ASPRV1: variants seen among roughly 807,000 people sequenced by gnomAD.
The protein encoded by ASPRV1 is aspartic peptidase retroviral like 1, also known as retroviral-like aspartic protease 1.
ASPRV1 carries 7 observed loss-of-function variants against 11.0 expected under a neutral mutation model. That is an observed-to-expected ratio of 0.64 (90% CI 0.36 to 1.20). The LOEUF (loss-of-function observed/expected upper bound fraction) is 1.20, where lower values mean the gene tolerates loss of function less well. Ranked by LOEUF, ASPRV1 falls within the 50% of genes most tolerant of loss-of-function variation. The pLI, the probability that ASPRV1 is intolerant of heterozygous loss-of-function variation, is 0.02. For missense variants in ASPRV1, 299 were observed against 320.0 expected (o/e 0.93, Z 0.50); for synonymous variants, 136 against 138.4 (o/e 0.98, Z 0.12).
At chr2:69,965,443 TAAAAA>T (rs924253081), upstream of ASPRV1, among the ~76,000 whole-genome samples, 1 of 146,582 alleles carries the variant, frequency 6.8e-6, no homozygotes, top group African/African-American at 2.5e-5. Context: ...GCTGGTGGGC[TAAAAA>T]AAAAACAAAA....
chr2:69,942,912 TAAC>T, the ASPRV1 span: 2 of 152,260 alleles, frequency 1.3e-5, no homozygotes, highest in African/African-American at 4.8e-5. Context: ...GTTCAACTGT[TAAC>T]AAATAATAAA....
chr2:70,078,571 A>G, the ASPRV1 span, among the ~76,000 whole-genome samples: 1 of 152,228 alleles, frequency 6.6e-6, no homozygotes, highest in Non-Finnish European at 1.5e-5. Flanking sequence ...ATCTGGAAAA[A>G]TGATGTTCCT....
At chr2:70,065,390 C>CAAAAAA in the ASPRV1 span, among the ~76,000 whole-genome samples, 33 of 52,658 alleles carry the variant, frequency 6.3e-4, no homozygotes, top group African/African-American at 9.1e-4. Context: ...GACACCATCT[C>CAAAAAA]AAAAAAAAAA....
chr2:70,017,725 G>T, the ASPRV1 span, among the ~76,000 whole-genome samples: 1 of 151,946 alleles, frequency 6.6e-6, no homozygotes, highest in African/African-American at 2.4e-5. Context: ...TTGTCTGTTA[G>T]TATTTTTTTA....
At chr2:70,042,388 C>T in the ASPRV1 span, among the ~76,000 whole-genome samples, 6 of 152,098 alleles carry the variant, frequency 3.9e-5, no homozygotes, top group African/African-American at 1.4e-4. Context: ...AGCCTAGATG[C>T]AAGAAAAGGC....
At chr2:70,064,696 G>C in the ASPRV1 span, among the ~76,000 whole-genome samples, 2 of 152,136 alleles carry the variant, frequency 1.3e-5, no homozygotes, top group Non-Finnish European at 2.9e-5. Context: ...GAGGCCAAAA[G>C]GGCCTAATAG....
chr2:70,002,632 G>A, the ASPRV1 span, among the ~76,000 whole-genome samples: 2 of 152,198 alleles, frequency 1.3e-5, no homozygotes, highest in East Asian at 1.9e-4. Context: ...CACATCCAGA[G>A]GCAAAGCCAA....
the ASPRV1 span, among the ~76,000 whole-genome samples, chr2:69,950,844 A>AAGAT: frequency 1.3e-4 from 18 of 137,016 alleles, no homozygotes; most frequent in East Asian, 2.9e-3. Context: ...CTCTGTCTCA[A>AAGAT]AAATAAATAA....
chr2:70,037,573 T>C, the ASPRV1 span, among the ~76,000 whole-genome samples: 1 of 152,248 alleles, frequency 6.6e-6, no homozygotes, highest in African/African-American at 2.4e-5. Flanking sequence ...CCTTTTTCTA[T>C]ATGCTTTGTT....
chr2:70,058,800 A>G, the ASPRV1 span, among the ~76,000 whole-genome samples: 33,997 of 146,954 alleles, frequency 0.23, 6,818 homozygotes, highest in African/African-American at 0.51. Flanking sequence ...TGATCCTCCC[A>G]CCTCAGCCTC....
the ASPRV1 span, among the ~76,000 whole-genome samples, chr2:70,041,419 C>A: frequency 6.6e-6 from 1 of 152,162 alleles, no homozygotes; most frequent in African/African-American, 2.4e-5. Context: ...TGGCGACCCA[C>A]CTGTAACACC....
the ASPRV1 span, among the ~76,000 whole-genome samples, chr2:69,971,757 C>T: frequency 6.6e-6 from 1 of 152,196 alleles, no homozygotes; most frequent in Non-Finnish European, 1.5e-5. Context: ...TGCCAATCTC[C>T]GTCCTGGAGC....
chr2:69,960,601 C>G lies in ASPRV1; in HGVS notation c.*56G>C, dbSNP rs999632120. 6 of 1,525,946 alleles carry G rather than the reference C, an allele frequency of 3.9e-6. No homozygotes were observed. The highest frequency in any genetic ancestry group is 1.2e-5 in the South Asian group (1 of 82,450). The allele number at this position is 1,525,946 out of a possible 1,614,324, so 94.5% of individuals were successfully genotyped here. A position where few individuals can be genotyped will look rare whatever the true frequency, so the allele number is the denominator to read the frequency against. On this transcript the variant is annotated 3_prime_UTR_variant, in exon 1 of 1. Coordinates refer to ENST00000320256, the MANE Select transcript of ASPRV1 (RefSeq NM_152792.4). ...ACCCCCATGAGGATATGCAACCCCC[C>G]CCACAGCGGTGGGTCTTCCCACCAA...
the ASPRV1 span, among the ~76,000 whole-genome samples, chr2:70,022,362 TACACACACACAC>T: frequency 6.9e-3 from 788 of 113,614 alleles, 5 homozygotes; most frequent in African/African-American, 0.025. Context: ...CACACACACT[TACACACACACAC>T]ACACACACAC....
chr2:69,970,530 C>G, the ASPRV1 span, among the ~76,000 whole-genome samples: 1 of 152,200 alleles, frequency 6.6e-6, no homozygotes, highest in Non-Finnish European at 1.5e-5. Context: ...CCCCTGTTCT[C>G]CTGGCAAACA....
At chr2:70,019,887 T>C in the ASPRV1 span, among the ~76,000 whole-genome samples, 1 of 152,016 alleles carries the variant, frequency 6.6e-6, no homozygotes, top group African/African-American at 2.4e-5. Flanking sequence ...TATTTGAAAA[T>C]TGCTGAGAAT....
At chr2:70,068,493 T>C in the ASPRV1 span, among the ~76,000 whole-genome samples, 3 of 152,094 alleles carry the variant, frequency 2.0e-5, no homozygotes, top group Non-Finnish European at 4.4e-5. Context: ...TAGGGGTATC[T>C]AGAGGAGTCA....
chr2:70,048,180 C>T, the ASPRV1 span, among the ~76,000 whole-genome samples: 2 of 149,312 alleles, frequency 1.3e-5, no homozygotes, highest in Middle Eastern at 3.2e-3. Context: ...TTTTGGGAGG[C>T]CGAGGCGGGC....
the ASPRV1 span, among the ~76,000 whole-genome samples, chr2:70,083,073 G>A: frequency 2.0e-5 from 3 of 152,152 alleles, no homozygotes; most frequent in Non-Finnish European, 4.4e-5. Flanking sequence ...AGAGGGAAGA[G>A]ATTTTCTAAA....
Sources: allele counts gnomAD v4.1 joint callset (sites outside exome capture counted in the v4.1 genomes callset), GRCh38; gene constraint gnomAD v4.1.1; transcripts MANE v1.5; gene names NCBI Gene and HGNC (gene_info 2026-07-23, HGNC 2026-07-21).